CEP250: variants seen among roughly 807,000 people sequenced by gnomAD.
CEP250 encodes the protein centrosome-associated protein CEP250.
A neutral mutation model predicts 315.7 loss-of-function variants in CEP250; 242 were observed. That is an observed-to-expected ratio of 0.77 (90% CI 0.69 to 0.85). The LOEUF (loss-of-function observed/expected upper bound fraction) is 0.85, where lower values mean the gene tolerates loss of function less well. Among genes scored for constraint, CEP250 ranks in the 40% least tolerant of loss-of-function variants. The probability of loss-of-function intolerance (pLI) is 0.00; values close to 1 mark genes in which losing one functional copy is unlikely to be tolerated. For synonymous variants in CEP250, 1,088 were observed against 1,175.0 expected (o/e 0.93, Z 1.51); for missense variants, 2,515 against 2,886.4 (o/e 0.87, Z 2.95).
chr20:35,461,282 T>C (rs1235270050), intron 3 of CEP250, among the ~76,000 whole-genome samples: 4 of 152,176 alleles, frequency 2.6e-5, no homozygotes, highest in African/African-American at 9.7e-5. Context: ...AATTGTGTGT[T>C]TTAGAGGCCT....
At chr20:35,489,985 C>A (rs1187529285) in intron 20 of CEP250, among the ~76,000 whole-genome samples, 4 of 152,072 alleles carry the variant, frequency 2.6e-5, no homozygotes, top group Non-Finnish European at 5.9e-5. Flanking sequence ...TCGAGTCCAG[C>A]CTGGGCAACA....
At chr20:35,505,079 C>G in intron 30 of CEP250, 74 bp downstream of exon 30, 1 of 1,322,684 alleles carries the variant, frequency 7.6e-7, no homozygotes, top group South Asian at 1.5e-5. Flanking sequence ...TGCCCACCAC[C>G]CTGGGCCCTG....
chr20:35,507,390 G>A (rs749263417), intron 30 of CEP250, among the ~76,000 whole-genome samples: 5 of 152,086 alleles, frequency 3.3e-5, no homozygotes, highest in African/African-American at 4.8e-5. Flanking sequence ...TGGGCCACTG[G>A]GTACGCCACA....
chr20:35,484,176 T>A (rs548168432), intron 20 of CEP250, among the ~76,000 whole-genome samples: 109 of 152,210 alleles, frequency 7.2e-4, no homozygotes, highest in African/African-American at 2.4e-3. Context: ...ATTTTCCTTT[T>A]TTTTTCTTTT....
Position 35,514,012 on chromosome 20 carries a change from A to G in CEP250, c.*2386A>G, listed in dbSNP as rs1199028606. On this transcript the variant is annotated 3_prime_UTR_variant, in exon 35 of 35. Coordinates refer to ENST00000397527, the MANE Select transcript of CEP250 (RefSeq NM_007186.6). ...CTTCCACTCCGGCTTTCTAAAGTAC[A>G]CTTTCCTTGCCCAGTAGCAGGATTG... 6.6e-6 allele frequency: 1 copy of G among 152,250 alleles called. No homozygotes were observed. Among genetic ancestry groups the G allele is most frequent in the African/African-American group, 2.4e-5 (1 of 41,432 alleles). 9.4% of individuals were successfully genotyped at this position (152,250 alleles called of 1,614,324 possible).
chr20:35,502,497 C>G lies in CEP250; in HGVS notation c.4128C>G (p.Ile1376Met), dbSNP rs779087338. The change falls in exon 30 of 35, where the codon ATC becomes ATG. Residue 1376 changes from isoleucine to methionine, a missense_variant. Physicochemically the swap from Ile to Met is conservative, Grantham distance 10. Transcript: ENST00000397527. ...EARAQASAAG[I>M]LEEDLRTARS... ...GGGCTCAGGCAAGTGCTGCTGGCAT[C>G]CTGGAAGAAGACCTGAGAACGGCTC... The G allele has an allele frequency of 1.2e-6, 2 of 1,614,172 alleles. No homozygotes were observed. Among genetic ancestry groups the G allele is most frequent in the East Asian group, 4.5e-5 (2 of 44,876 alleles).
At chr20:35,472,587 G>T in intron 11 of CEP250, 86 bp from the exon 12 acceptor site, 1 of 1,364,394 alleles carries the variant, frequency 7.3e-7, no homozygotes, top group South Asian at 1.3e-5. Context: ...GAAAACATCA[G>T]GTTTGTCCAG....
chr20:35,470,735 A>G (rs570504312), intron 10 of CEP250, among the ~76,000 whole-genome samples: 1 of 152,338 alleles, frequency 6.6e-6, no homozygotes, highest in South Asian at 2.1e-4. Context: ...CCTGGGCAAC[A>G]AGAGTGAAAC....
At chr20:35,476,994 A>G (rs940226639) in intron 16 of CEP250, among the ~76,000 whole-genome samples, 5 of 150,280 alleles carry the variant, frequency 3.3e-5, no homozygotes, top group African/African-American at 1.2e-4. Flanking sequence ...GATTACAGGC[A>G]TGTGTCACCA....
chr20:35,494,866 A>C (rs1261106320), intron 24 of CEP250, among the ~76,000 whole-genome samples: 3 of 152,236 alleles, frequency 2.0e-5, no homozygotes, highest in Non-Finnish European at 4.4e-5. Flanking sequence ...GTTATGCACC[A>C]GGCACCATGC....
At chr20:35,458,964 ATC>A (rs2062692794) in intron 2 of CEP250, among the ~76,000 whole-genome samples, 4 of 91,364 alleles carry the variant, frequency 4.4e-5, no homozygotes, top group African/African-American at 1.9e-4. Context: ...TATAATGCAA[ATC>A]TTTTTTTTTT....
intron 22 of CEP250, 120 bp from the exon 23 acceptor site, chr20:35,493,308 AG>A (rs1226466864): frequency 2.2e-6 from 2 of 902,082 alleles, no homozygotes; most frequent in Non-Finnish European, 3.3e-6. Flanking sequence ...GGAAGTGAGA[AG>A]GTGAGGTGGA....
chr20:35,496,244 C>T (rs922053241), intron 24 of CEP250, among the ~76,000 whole-genome samples: 2 of 151,722 alleles, frequency 1.3e-5, no homozygotes, highest in African/African-American at 2.4e-5. Context: ...GGCTGAGGCA[C>T]GAGAATCATT....
intron 15 of CEP250, among the ~76,000 whole-genome samples, chr20:35,476,040 G>A (rs224364): frequency 0.63 from 96,268 of 152,036 alleles, 32,709 homozygotes; most frequent in Non-Finnish European, 0.76. Context: ...AATACTCTGC[G>A]TGTACTTTTC....
intron 25 of CEP250, among the ~76,000 whole-genome samples, chr20:35,497,288 A>G (rs1003897326): frequency 1.3e-5 from 2 of 152,206 alleles, no homozygotes; most frequent in African/African-American, 4.8e-5. Flanking sequence ...CTTCATCCAT[A>G]AAACAAGGGT....
At chr20:35,462,642 C>A in intron 4 of CEP250, 89 bp downstream of exon 4, 1 of 1,169,140 alleles carries the variant, frequency 8.6e-7, no homozygotes, top group Non-Finnish European at 1.2e-6. Flanking sequence ...GAGGCAGAGT[C>A]TTGTGGTGGG....
chr20:35,499,957 C>T lies in CEP250; in HGVS notation c.3778-92C>T, dbSNP rs1016029383. On this transcript the variant is annotated intron_variant, in intron 27 of 34. Coordinates refer to ENST00000397527, the MANE Select transcript of CEP250 (RefSeq NM_007186.6). ...GAGTAGGTCCACAATGGCGGCCCAC[C>T]ACAGAAGCTGAGAATGAGGAGAGAG... The T allele has an allele frequency of 3.2e-6, 5 of 1,541,084 alleles. No individual in the cohort carries two copies. In the African/African-American group the frequency reaches 5.5e-5, roughly 17 times the overall value.
intron 20 of CEP250, among the ~76,000 whole-genome samples, chr20:35,480,837 C>T (rs557746611): frequency 6.6e-6 from 1 of 152,132 alleles, no homozygotes; most frequent in South Asian, 2.1e-4. Context: ...ATCCACCTGC[C>T]TCAGCCTCCT....
chr20:35,495,073 A>T (rs141213906), intron 24 of CEP250, among the ~76,000 whole-genome samples: 1 of 152,350 alleles, frequency 6.6e-6, no homozygotes, highest in Non-Finnish European at 1.5e-5. Context: ...TAAACTGAGC[A>T]CTCAGCATGA....
Sources: allele counts gnomAD v4.1 joint callset (sites outside exome capture counted in the v4.1 genomes callset), GRCh38; gene constraint gnomAD v4.1.1; transcripts MANE v1.5; gene names NCBI Gene and HGNC (gene_info 2026-07-23, HGNC 2026-07-21).